The following BMERB1 variants were observed in gnomAD, a reference collection of about 807,000 sequenced individuals.
The protein encoded by BMERB1 is bMERB domain-containing protein 1.
Under a neutral mutation model 23.6 loss-of-function variants are expected in BMERB1, and 12 were observed. That is an observed-to-expected ratio of 0.51 (90% CI 0.33 to 0.82). The LOEUF is 0.82. Ranked by LOEUF, BMERB1 falls within the 40% of genes least tolerant of loss-of-function variation. The pLI, the probability that BMERB1 is intolerant of heterozygous loss-of-function variation, is 0.03. For synonymous variants in BMERB1, 122 were observed against 96.6 expected (o/e 1.26, Z -1.54); for missense variants, 247 against 255.4 (o/e 0.97, Z 0.22).
intron 1 of BMERB1, among the ~76,000 whole-genome samples, chr16:15,454,396 TC>T (rs1567452418): frequency 6.6e-6 from 1 of 151,996 alleles, no homozygotes; most frequent in South Asian, 2.1e-4. Flanking sequence ...TTGCTTCCTT[TC>T]CCCCCATCCA....
intron 2 of BMERB1, among the ~76,000 whole-genome samples, chr16:15,546,052 C>T (rs938859427): frequency 6.6e-6 from 1 of 152,042 alleles, no homozygotes; most frequent in African/African-American, 2.4e-5. Context: ...TTTGGGAAGC[C>T]GAGATGGGAG....
chr16:15,525,124 C>T (rs1713887283), intron 2 of BMERB1, among the ~76,000 whole-genome samples: 1 of 152,172 alleles, frequency 6.6e-6, no homozygotes, highest in South Asian at 2.1e-4. Context: ...AGCAGACTGC[C>T]CTCCCTAATG....
At chr16:15,499,413 AAAAC>A (rs2051505029) in intron 1 of BMERB1, among the ~76,000 whole-genome samples, 1 of 152,020 alleles carries the variant, frequency 6.6e-6, no homozygotes, top group Non-Finnish European at 1.5e-5. Context: ...ATAAAAATAA[AAAAC>A]AAAAAAAAAA....
intron 2 of BMERB1, among the ~76,000 whole-genome samples, chr16:15,527,842 T>G (rs1350381400): frequency 1.3e-5 from 2 of 152,116 alleles, no homozygotes; most frequent in Non-Finnish European, 2.9e-5. Flanking sequence ...CATCACCATC[T>G]ATCCATGGAA....
At chr16:15,557,540 C>T (rs548345153) in intron 2 of BMERB1, among the ~76,000 whole-genome samples, 38 of 152,288 alleles carry the variant, frequency 2.5e-4, no homozygotes, top group African/African-American at 8.9e-4. Context: ...ATTAAAAATG[C>T]ACCTATCCAC....
intron 1 of BMERB1, chr16:15,448,088 C>T (rs976893875): frequency 5.6e-6 from 2 of 354,396 alleles, no homozygotes; most frequent in Non-Finnish European, 1.1e-5. Flanking sequence ...TGGGGTTTCA[C>T]CCTGTTGGCC....
chr16:15,552,197 T>A (rs1474615446), intron 2 of BMERB1, among the ~76,000 whole-genome samples: 1 of 152,018 alleles, frequency 6.6e-6, no homozygotes, highest in Non-Finnish European at 1.5e-5. Context: ...CCCAGCACTT[T>A]GGGAGGCCGA....
At chr16:15,504,189 TC>T (rs982502793) in intron 1 of BMERB1, among the ~76,000 whole-genome samples, 11 of 152,022 alleles carry the variant, frequency 7.2e-5, no homozygotes, top group African/African-American at 2.2e-4. Flanking sequence ...CCAGAACCAC[TC>T]CCCTCTCTTG....
chr16:15,568,114 C>T (rs1369785155), intron 3 of BMERB1, 58 bp downstream of exon 3: 6 of 1,451,648 alleles, frequency 4.1e-6, no homozygotes, highest in African/African-American at 2.8e-5. Flanking sequence ...CCCAGCCTGG[C>T]CCATCTGTAC....
At chr16:15,466,416 T>C (rs1348577347) in intron 1 of BMERB1, among the ~76,000 whole-genome samples, 1 of 151,494 alleles carries the variant, frequency 6.6e-6, no homozygotes. Context: ...CCTTTTGCCC[T>C]TTTTTTTTCT....
At chr16:15,565,104 G>A (rs1300451) in intron 2 of BMERB1, among the ~76,000 whole-genome samples, 151,444 of 152,056 alleles carry the variant, frequency 1, 75,418 homozygotes, top group East Asian at 1. Flanking sequence ...GCAACACTCA[G>A]GGGACTAAGA....
At chr16:15,461,408 T>G (rs1175748281) in intron 1 of BMERB1, among the ~76,000 whole-genome samples, 1 of 152,112 alleles carries the variant, frequency 6.6e-6, no homozygotes, top group Non-Finnish European at 1.5e-5. Context: ...CCTTCTTTCC[T>G]TTCTTCTTTC....
chr16:15,537,351 A>T (rs1167612765), intron 2 of BMERB1, among the ~76,000 whole-genome samples: 2 of 143,848 alleles, frequency 1.4e-5, no homozygotes, highest in Non-Finnish European at 3.1e-5. Context: ...GATTTTTCTT[A>T]TTCTTAATTT....
At chr16:15,480,477 A>G (rs944042695) in intron 1 of BMERB1, among the ~76,000 whole-genome samples, 3 of 151,912 alleles carry the variant, frequency 2.0e-5, no homozygotes, top group African/African-American at 4.8e-5. Flanking sequence ...GAAGTAGTCT[A>G]TCCTATCCCT....
chr16:15,448,821 C>T (rs1048471088), intron 1 of BMERB1, among the ~76,000 whole-genome samples: 1 of 152,046 alleles, frequency 6.6e-6, no homozygotes, highest in African/African-American at 2.4e-5. Flanking sequence ...AAGAGTTGTT[C>T]CTGATGCTGC....
chr16:15,529,774 C>T (rs114747255), intron 2 of BMERB1, among the ~76,000 whole-genome samples: 2,157 of 152,256 alleles, frequency 0.014, 56 homozygotes, highest in African/African-American at 0.051. Context: ...TGAGAACTGC[C>T]TGGCTCTCTG....
At chr16:15,541,979 C>T (rs1211960257) in intron 2 of BMERB1, among the ~76,000 whole-genome samples, 12 of 148,028 alleles carry the variant, frequency 8.1e-5, no homozygotes, top group Non-Finnish European at 1.5e-5. Flanking sequence ...CTCCTGAGCT[C>T]AAGTGATCCT....
At chr16:15,461,316 A>G (rs1479549483) in intron 1 of BMERB1, among the ~76,000 whole-genome samples, 2 of 152,104 alleles carry the variant, frequency 1.3e-5, no homozygotes. Context: ...ACATAAGTAC[A>G]AAGCAGTGTG....
chr16:15,530,659 A>G (rs981439971), intron 2 of BMERB1, among the ~76,000 whole-genome samples: 5 of 152,070 alleles, frequency 3.3e-5, no homozygotes, highest in Non-Finnish European at 5.9e-5. Context: ...CATAATCCCC[A>G]TATGTCATGA....
Sources: gnomAD v4.1 joint callset for allele counts (sites outside exome capture counted in the v4.1 genomes callset) on GRCh38, gnomAD v4.1.1 for gene constraint, MANE v1.5 for transcripts, NCBI Gene and HGNC (gene_info 2026-07-23, HGNC 2026-07-21) for gene names.